The following WDR64 variants were observed in gnomAD, a reference collection of about 807,000 sequenced individuals.
WDR64 encodes WD repeat-containing protein 64.
A neutral mutation model predicts 139.3 loss-of-function variants in WDR64; 112 were observed. The observed-to-expected ratio is 0.80, with a 90% CI of 0.69 to 0.94. The LOEUF (loss-of-function observed/expected upper bound fraction) is 0.94, where lower values mean the gene tolerates loss of function less well. Among genes scored for constraint, WDR64 ranks in the 40% least tolerant of loss-of-function variants. The pLI is 0.00. For synonymous variants in WDR64, 444 were observed against 437.7 expected, an observed-to-expected ratio of 1.01 and a Z score of -0.18; for missense variants, 1,206 against 1,293.1, an observed-to-expected ratio of 0.93 and a Z score of 1.03.
intron 9 of WDR64, among the ~76,000 whole-genome samples, chr1:241,719,275 C>CA (rs574802315): frequency 4.5e-4 from 68 of 152,156 alleles, no homozygotes; most frequent in Non-Finnish European, 8.4e-4. Context: ...TGAAGTGGTT[C>CA]AAAAAATATC....
At chr1:241,739,043 T>C (rs1254319202) in intron 11 of WDR64, among the ~76,000 whole-genome samples, 1 of 152,222 alleles carries the variant, frequency 6.6e-6, no homozygotes, top group Non-Finnish European at 1.5e-5. Flanking sequence ...GCCATTCTGA[T>C]AACGAGTCAC....
chr1:241,674,768 T>A, intron 4 of WDR64, 21 bp downstream of exon 4: 1 of 1,394,602 alleles, frequency 7.2e-7, no homozygotes, highest in Non-Finnish European at 9.9e-7. Flanking sequence ...TTTCTTTTTT[T>A]AACTGAATGA....
In WDR64 at chr1:241,769,488, T is replaced by C. The variant is rs1281934864; in HGVS notation, c.2166T>C (p.Arg722=). 4 of 1,551,438 alleles carry C rather than the reference T, an allele frequency of 2.6e-6. No individual in the cohort carries two copies. The Admixed American group carries it at 5.9e-5, about 23-fold the overall frequency. ...FKINDILFLF[R]TPECARRSSQ... ...TTAATGACATACTGTTCCTCTTTCG[T>C]ACCCCTGAATGTGCAAGGTAACTCG... The change falls in exon 17 of 28, where the codon CGT becomes CGC. Residue 722 remains arginine, a synonymous_variant. Transcript: ENST00000437684.
At chr1:241,670,375 T>C (rs1666179927) in intron 2 of WDR64, among the ~76,000 whole-genome samples, 2 of 151,932 alleles carry the variant, frequency 1.3e-5, no homozygotes, top group South Asian at 4.2e-4. Context: ...CCCTGAAAAA[T>C]TCATGGAAAA....
At chr1:241,762,839 T>C (rs780647860) in intron 15 of WDR64, among the ~76,000 whole-genome samples, 26 of 152,168 alleles carry the variant, frequency 1.7e-4, no homozygotes, top group Admixed American at 6.5e-4. Context: ...TATTTTGTCA[T>C]AGAACGGAAA....
chr1:241,727,685 A>G (rs1024643733), intron 10 of WDR64, among the ~76,000 whole-genome samples: 5 of 152,146 alleles, frequency 3.3e-5, no homozygotes, highest in African/African-American at 9.7e-5. Context: ...AGGGGAAGAG[A>G]CAGACAAACA....
chr1:241,749,511 T>C (rs988937430), intron 13 of WDR64, 36 bp from the exon 14 acceptor site: 4 of 1,588,252 alleles, frequency 2.5e-6, no homozygotes, highest in East Asian at 2.3e-5. Context: ...CTCTAAGTCA[T>C]TTTTACCCAC....
At chr1:241,702,519 AG>A (rs1667758773) in intron 8 of WDR64, among the ~76,000 whole-genome samples, 3 of 136,434 alleles carry the variant, frequency 2.2e-5, no homozygotes, top group Non-Finnish European at 4.7e-5. Flanking sequence ...AAAAATTTAA[AG>A]GAAAAAAAAA....
At chr1:241,695,219 TTC>T (rs1667437681) in intron 8 of WDR64, among the ~76,000 whole-genome samples, 3 of 152,212 alleles carry the variant, frequency 2.0e-5, no homozygotes, top group Admixed American at 2.0e-4. Context: ...AATACGTCAC[TTC>T]TTTTTTATTT....
chr1:241,793,691 G>A (rs1337350671), intron 25 of WDR64, among the ~76,000 whole-genome samples: 2 of 152,176 alleles, frequency 1.3e-5, no homozygotes, highest in African/African-American at 2.4e-5. Flanking sequence ...ACAGACTTAG[G>A]TTTAATTTTA....
chr1:241,732,968 A>C (rs1024185681), intron 10 of WDR64, among the ~76,000 whole-genome samples: 8 of 152,194 alleles, frequency 5.3e-5, no homozygotes, highest in Admixed American at 3.3e-4. Flanking sequence ...GGGTACACAC[A>C]TGTATATATT....
chr1:241,677,494 A>C (rs533012514), intron 4 of WDR64: 1 of 398,598 alleles, frequency 2.5e-6, no homozygotes, highest in African/African-American at 2.1e-5. Flanking sequence ...ATACTTCTCA[A>C]GGCCATCTGA....
intron 10 of WDR64, among the ~76,000 whole-genome samples, chr1:241,737,392 C>T (rs1669370231): frequency 6.6e-6 from 1 of 152,142 alleles, no homozygotes; most frequent in Non-Finnish European, 1.5e-5. Flanking sequence ...ATTATAAGTG[C>T]CTCAAATTAG....
Position 241,801,378 on chromosome 1 carries a change from C to A in WDR64, c.*163C>A. 1.7e-6 allele frequency: 1 copy of A among 575,968 alleles called. No homozygotes were observed. 35.7% of individuals were successfully genotyped at this position (575,968 alleles called of 1,614,324 possible). On this transcript the variant is annotated 3_prime_UTR_variant, in exon 28 of 28. Coordinates refer to ENST00000437684, the MANE Select transcript of WDR64 (RefSeq NM_001367482.1). ...AAGATTGCTTAGGGAGTTCTGGTGA[C>A]CTTAACTCTGAATACCAAGCAAGCA... is the stretch of plus-strand genomic sequence containing the variant.
intron 9 of WDR64, among the ~76,000 whole-genome samples, chr1:241,721,344 C>T (rs1279107878): frequency 6.6e-6 from 1 of 151,824 alleles, no homozygotes; most frequent in Non-Finnish European, 1.5e-5. Flanking sequence ...TGTAAAATGA[C>T]TATTTTGAAT....
intron 15 of WDR64, among the ~76,000 whole-genome samples, chr1:241,761,571 TG>T (rs1439015373): frequency 6.6e-6 from 1 of 151,442 alleles, no homozygotes; most frequent in Non-Finnish European, 1.5e-5. Flanking sequence ...TATATATATA[TG>T]TATATATAGA....
chr1:241,698,769 C>T (rs902667393), intron 8 of WDR64, among the ~76,000 whole-genome samples: 3 of 152,322 alleles, frequency 2.0e-5, no homozygotes, highest in African/African-American at 2.4e-5. Context: ...GACCACTCCT[C>T]AGCACCTTTC....
At chr1:241,754,827 T>G (rs1028160466) in intron 14 of WDR64, among the ~76,000 whole-genome samples, 2 of 152,144 alleles carry the variant, frequency 1.3e-5, no homozygotes, top group African/African-American at 4.8e-5. Context: ...GGTGTTTGGT[T>G]TTCTGTTCCT....
chr1:241,663,811 G>C (rs1462336533), intron 2 of WDR64, among the ~76,000 whole-genome samples: 2 of 152,264 alleles, frequency 1.3e-5, no homozygotes. Flanking sequence ...ACAGATTACA[G>C]AATATGTCCA....
Sources: allele counts gnomAD v4.1 joint callset (sites outside exome capture counted in the v4.1 genomes callset), GRCh38; gene constraint gnomAD v4.1.1; transcripts MANE v1.5; gene names NCBI Gene and HGNC (gene_info 2026-07-23, HGNC 2026-07-21).